Variants in SPEN observed in about 807,000 individuals in gnomAD.
SPEN encodes spen family transcriptional repressor.
Under a neutral mutation model 269.9 loss-of-function variants are expected in SPEN, and 18 were observed. That is an observed-to-expected ratio of 0.07 (90% CI 0.05 to 0.10). The LOEUF is 0.10. SPEN is among the 10% of genes least tolerant of loss of function. The pLI, the probability that SPEN is intolerant of heterozygous loss-of-function variation, is 1.00. For missense variants in SPEN, 3,822 were observed against 4,631.2 expected, an observed-to-expected ratio of 0.83 and a Z score of 5.07; for synonymous variants, 1,726 against 1,765.7, an observed-to-expected ratio of 0.98 and a Z score of 0.56.
chr1:15,919,556 C>T, intron 8 of SPEN, 39 bp downstream of exon 8: 1 of 1,288,288 alleles, frequency 7.8e-7, no homozygotes, highest in Non-Finnish European at 1.1e-6. Flanking sequence ...AGACTTCTGA[C>T]TCACTCGTCT....
At chr1:15,907,956 C>T (rs1171436600) in intron 3 of SPEN, among the ~76,000 whole-genome samples, 1 of 152,026 alleles carries the variant, frequency 6.6e-6, no homozygotes, top group Non-Finnish European at 1.5e-5. Context: ...CTTCAGTTGA[C>T]TCTCTTTCTG....
intron 3 of SPEN, among the ~76,000 whole-genome samples, chr1:15,894,400 AGT>A (rs918748172): frequency 2.6e-5 from 4 of 152,102 alleles, no homozygotes; most frequent in Admixed American, 6.6e-5. Context: ...AGGTTTTCTG[AGT>A]GTGAAGGGTC....
chr1:15,857,364 CT>C (rs1005602398), intron 1 of SPEN, among the ~76,000 whole-genome samples: 10 of 147,520 alleles, frequency 6.8e-5, no homozygotes, highest in African/African-American at 9.9e-5. Context: ...TGCACCCAGC[CT>C]TTTTTTTTTG....
At chr1:15,927,017 T>A (rs1015827105) in intron 10 of SPEN, among the ~76,000 whole-genome samples, 3 of 152,228 alleles carry the variant, frequency 2.0e-5, no homozygotes, top group African/African-American at 2.4e-5. Context: ...TTCAGCGAGC[T>A]ACTAATGGCA....
chr1:15,888,196 C>T (rs2070754517), intron 3 of SPEN, among the ~76,000 whole-genome samples: 1 of 151,304 alleles, frequency 6.6e-6, no homozygotes, highest in Non-Finnish European at 1.5e-5. Flanking sequence ...GCAACCTCCA[C>T]CTCCTGGGTT....
At chr1:15,917,407 TAGAC>T (rs1157294568) in intron 6 of SPEN, among the ~76,000 whole-genome samples, 2 of 152,162 alleles carry the variant, frequency 1.3e-5, no homozygotes, top group African/African-American at 4.8e-5. Flanking sequence ...ATTATTTTTT[TAGAC>T]AGAGTTTCAC....
At position 15,934,021 on chromosome 1, in the gene SPEN, C is replaced by G. The variant is rs1204686664; in HGVS notation, c.7781C>G (p.Ser2594Cys). 2 of 1,613,960 alleles carry G rather than the reference C, an allele frequency of 1.2e-6. No homozygotes were observed. Among genetic ancestry groups the G allele is most frequent in the Non-Finnish European group, 8.5e-7 (1 of 1,179,868 alleles). ...ACAGCACCTCCAGTGACAAACAACT[C>G]TGAGATACAAGCCTCGGAGGTGCTG... Reference protein sequence around the residue: ...EKTAPPVTNNSEIQASEVLVA... With the variant: ...EKTAPPVTNNCEIQASEVLVA... The change falls in exon 11 of 15, where the codon TCT becomes TGT. Residue 2594 changes from serine to cysteine, a missense_variant. Coordinates refer to ENST00000375759, the MANE Select transcript of SPEN (RefSeq NM_015001.3). The surrounding 1 kb of genome is among the most constrained non-coding windows in gnomAD (Gnocchi z 9.2).
At position 15,873,205 on chromosome 1, in the gene SPEN, A is replaced by C. The variant is rs558292703; in HGVS notation, c.404+69A>C. On this transcript the variant is annotated intron_variant, in intron 2 of 14. Coordinates refer to ENST00000375759, the MANE Select transcript of SPEN (RefSeq NM_015001.3). ...TGGTGAGAAACAGAAACTCATATTT[A>C]GGGGCCCCAGATGGATTTAAAGTTT... The C allele has an allele frequency of 2.9e-5, 44 of 1,493,734 alleles. No individual in the cohort carries two copies. In the East Asian group the frequency reaches 9.8e-4, roughly 33 times the overall value. The allele number at this position is 1,493,734 out of a possible 1,614,324, so 92.5% of individuals were successfully genotyped here.
At position 15,901,931 on chromosome 1, in the gene SPEN, T is replaced by G. The variant is rs1244635884; in HGVS notation, c.882-7390T>G. On this transcript the variant is annotated intron_variant, in intron 3 of 14. Transcript: ENST00000375759. The stretch of plus-strand genomic sequence containing the variant: ...TTATTTTTTACTTATTTATTTAGTT[T>G]TTTTTTTTTTTTTTTTTGAGACAGT... Among the ~76,000 whole-genome samples the G allele has an allele frequency of 4.1e-3, 433 of 105,482 alleles. 2 individuals are homozygous for G. The highest frequency in any genetic ancestry group is 0.015 in the African/African-American group (415 of 27,328). 69.2% of individuals were successfully genotyped at this position (105,482 alleles called of 152,430 possible).
chr1:15,852,060 T>C (rs1420502601), intron 1 of SPEN, among the ~76,000 whole-genome samples: 1 of 152,240 alleles, frequency 6.6e-6, no homozygotes, highest in East Asian at 1.9e-4. Context: ...ACAGTGGTTT[T>C]CCTGAGTTAA....
At chr1:15,857,689 G>GC (rs1553174007) in intron 1 of SPEN, among the ~76,000 whole-genome samples, 2 of 151,232 alleles carry the variant, frequency 1.3e-5, no homozygotes, top group East Asian at 3.9e-4. Context: ...TAAAAAAATT[G>GC]TTTTTTTTCT....
rs762507756 is a variant in SPEN at position 15,935,185 on chromosome 1, T to C, written c.8945T>C (p.Leu2982Pro). ...VLQPANLGST[L>P]TPHHPPALPS... ...CAGCCGGCCAACCTGGGGTCCACGC[T>C]CACGCCCCACCACCCTCCTGCTCTG... Residue 2982 changes from leucine (L) to proline (P), a missense_variant, in exon 11 of 15, where the codon CTC (leucine) becomes CCC (proline). Leu to Pro is a moderately conservative substitution (Grantham distance 98). This residue lies in a region of SPEN where 94 missense variants were observed against 90.4 expected (regional missense o/e 1.04). Transcript: ENST00000375759. The surrounding 1 kb of genome is among the most constrained non-coding windows in gnomAD (Gnocchi z 7.7). 6.2e-7 allele frequency: 1 copy of C among 1,613,924 alleles called. No individual in the cohort carries two copies.
At chr1:15,903,354 A>G (rs938250609) in intron 3 of SPEN, among the ~76,000 whole-genome samples, 1 of 152,218 alleles carries the variant, frequency 6.6e-6, no homozygotes, top group East Asian at 1.9e-4. Context: ...ATTATAAGAA[A>G]TAATTTGTCC....
chr1:15,866,345 TTTTTG>T (rs1020927956), intron 1 of SPEN, among the ~76,000 whole-genome samples: 79 of 152,182 alleles, frequency 5.2e-4, no homozygotes, highest in Non-Finnish European at 9.6e-4. Flanking sequence ...TACATTAGTT[TTTTTG>T]TTTTGTTTTG....
chr1:15,911,419 C>CAATGGAA, intron 5 of SPEN, 118 bp downstream of exon 5: 1 of 741,088 alleles, frequency 1.3e-6, no homozygotes, highest in Non-Finnish European at 2.3e-6. Context: ...TATTTATTGA[C>CAATGGAA]ATATTTCCAT....
rs1237773749 is a variant in SPEN, at chr1:15,940,002, C to A, written c.*575C>A. 4.3e-6 allele frequency: 1 copy of A among 230,896 alleles called. No homozygotes were observed. The highest frequency in any genetic ancestry group is 2.2e-5 in the African/African-American group (1 of 45,100). 14.3% of individuals were successfully genotyped at this position (230,896 alleles called of 1,614,324 possible). On this transcript the variant is annotated 3_prime_UTR_variant, in exon 15 of 15. Transcript: ENST00000375759. ...ACCTTAATTCTCCTGCTGCCACCGTCTTTGATTCACCGGGATGTACAGTTT... is the reference window on the plus strand; with the variant it reads ...ACCTTAATTCTCCTGCTGCCACCGTATTTGATTCACCGGGATGTACAGTTT...
At position 15,902,682 on chromosome 1, in the gene SPEN, AT is replaced by A. The variant is rs1261292910; in HGVS notation, c.882-6638del. ...ATAAATAAAAGTTAAAATAAAATAG[AT>A]GATTATTCTAATAGAAATTAGATAA... On this transcript the variant is annotated intron_variant, in intron 3 of 14. Transcript: ENST00000375759. Among the ~76,000 whole-genome samples, 3 of 152,288 alleles carry A rather than the reference AT, an allele frequency of 2.0e-5. No individual in the cohort carries two copies. The East Asian group carries it at 5.8e-4, about 29-fold the overall frequency.
At chr1:15,904,221 T>C (rs1012857885) in intron 3 of SPEN, among the ~76,000 whole-genome samples, 4 of 152,044 alleles carry the variant, frequency 2.6e-5, no homozygotes, top group African/African-American at 9.7e-5. Flanking sequence ...CTTATGCCTG[T>C]AATCCCAGCA....
intron 3 of SPEN, among the ~76,000 whole-genome samples, chr1:15,897,991 C>G (rs2070859334): frequency 6.6e-6 from 1 of 152,084 alleles, no homozygotes; most frequent in Admixed American, 6.6e-5. Flanking sequence ...ACTCATTGCC[C>G]TGATGTCATC....
Sources: gnomAD v4.1 joint callset for allele counts (sites outside exome capture counted in the v4.1 genomes callset) on GRCh38, gnomAD v4.1.1 for gene constraint, gnomAD v4.1.1 regional missense constraint, Gnocchi (gnomAD v3.1) non-coding constraint, MANE v1.5 for transcripts, NCBI Gene and HGNC (gene_info 2026-07-23, HGNC 2026-07-21) for gene names.